The following UBE2V2 variants were observed in gnomAD, a reference collection of about 807,000 sequenced individuals.
UBE2V2 encodes ubiquitin-conjugating enzyme E2 variant 2.
Under a neutral mutation model 17.2 loss-of-function variants are expected in UBE2V2, and 9 were observed. That is an observed-to-expected ratio of 0.52 (90% CI 0.32 to 0.91). The LOEUF is 0.91. Ranked by LOEUF, UBE2V2 falls within the 40% of genes least tolerant of loss-of-function variation. UBE2V2 has a pLI of 0.04. For missense variants in UBE2V2, 133 were observed against 182.6 expected, an observed-to-expected ratio of 0.73 and a Z score of 1.56; for synonymous variants, 61 against 57.5, an observed-to-expected ratio of 1.06 and a Z score of -0.28.
At chr8:48,011,032 A>G (rs1168541881) in intron 1 of UBE2V2, among the ~76,000 whole-genome samples, 1 of 151,764 alleles carries the variant, frequency 6.6e-6, no homozygotes, top group Non-Finnish European at 1.5e-5. Context: ...TGCCCAGCCT[A>G]TTAATTAGTT....
chr8:48,040,219 G>T (rs1314588910), intron 1 of UBE2V2, among the ~76,000 whole-genome samples: 1 of 151,648 alleles, frequency 6.6e-6, no homozygotes, highest in East Asian at 1.9e-4. Context: ...TTTGTTTTTT[G>T]GGGGAACCAT....
rs1017778931 is a variant in UBE2V2 at position 48,061,810 on chromosome 8, T to G, written c.*982T>G. ...TTGATTTCACCAGAAATAATAATAT[T>G]AAAAAGATCTTTGCATTCTGGCAGT... On this transcript the variant is annotated 3_prime_UTR_variant, in exon 4 of 4. Transcript: ENST00000523111. The G allele has an allele frequency of 6.6e-6, 1 of 152,192 alleles. No individual in the cohort carries two copies. The highest frequency in any genetic ancestry group is 1.5e-5 in the Non-Finnish European group (1 of 68,028). 9.4% of individuals were successfully genotyped at this position (152,192 alleles called of 1,614,324 possible).
At chr8:48,035,048 A>G (rs1344123682) in intron 1 of UBE2V2, 2 of 983,324 alleles carry the variant, frequency 2.0e-6, no homozygotes, top group African/African-American at 1.8e-5. Context: ...AGAAGTTAGC[A>G]TTCCTCTTAC....
chr8:48,008,349 C>T (rs1227190253), upstream of UBE2V2: 1 of 1,391,488 alleles, frequency 7.2e-7, no homozygotes, highest in South Asian at 1.6e-5. Flanking sequence ...CCCGCGCCCG[C>T]CGGGGGCGGA....
At chr8:48,040,666 G>A (rs561865273) in intron 1 of UBE2V2, among the ~76,000 whole-genome samples, 1 of 151,844 alleles carries the variant, frequency 6.6e-6, no homozygotes, top group African/African-American at 2.4e-5. Context: ...AGACAGTCTC[G>A]CTCTGTCTCC....
chr8:48,049,309 G>A (rs2091519960), intron 2 of UBE2V2, among the ~76,000 whole-genome samples: 1 of 152,086 alleles, frequency 6.6e-6, no homozygotes, highest in African/African-American at 2.4e-5. Flanking sequence ...GTTATTGATT[G>A]CCATATTTAG....
intron 1 of UBE2V2, among the ~76,000 whole-genome samples, chr8:48,038,227 C>T (rs1238420037): frequency 6.6e-6 from 1 of 152,206 alleles, no homozygotes; most frequent in Non-Finnish European, 1.5e-5. Flanking sequence ...CAGAACATTT[C>T]TAGTACATTT....
chr8:48,005,006 T>C (rs1374399796), upstream of UBE2V2, among the ~76,000 whole-genome samples: 2 of 150,670 alleles, frequency 1.3e-5, no homozygotes, highest in Non-Finnish European at 2.9e-5. Flanking sequence ...TTTTTTTCTC[T>C]TAACTACTTT....
chr8:48,008,365 C>T (rs763183573), upstream of UBE2V2: 7 of 1,501,462 alleles, frequency 4.7e-6, no homozygotes, highest in East Asian at 2.9e-5. Flanking sequence ...GCGGAGTCCG[C>T]TGTGACGCGT....
At chr8:48,028,781 C>T (rs1324706391) in intron 1 of UBE2V2, among the ~76,000 whole-genome samples, 5 of 152,086 alleles carry the variant, frequency 3.3e-5, no homozygotes, top group Non-Finnish European at 7.4e-5. Context: ...CTACTGCACC[C>T]GACCCCTTTA....
At chr8:48,008,077 A>G (rs2091197138), upstream of UBE2V2, among the ~76,000 whole-genome samples, 2 of 151,670 alleles carry the variant, frequency 1.3e-5, no homozygotes, top group African/African-American at 4.8e-5. Flanking sequence ...GCGCGCCACC[A>G]CGTCCGGCTA....
intron 1 of UBE2V2, among the ~76,000 whole-genome samples, chr8:48,024,652 T>TAAAAA (rs2091327891): frequency 6.6e-6 from 1 of 152,104 alleles, no homozygotes; most frequent in Non-Finnish European, 1.5e-5. Flanking sequence ...GTATCCTACG[T>TAAAAA]ATGCCTTGGT....
At chr8:48,024,871 TC>T (rs1162952789) in intron 1 of UBE2V2, among the ~76,000 whole-genome samples, 1 of 152,074 alleles carries the variant, frequency 6.6e-6, no homozygotes, top group Non-Finnish European at 1.5e-5. Context: ...TTCACATAAA[TC>T]TTTTTTGTAA....
chr8:48,040,189 C>T (rs2154507638), intron 1 of UBE2V2, among the ~76,000 whole-genome samples: 1 of 152,112 alleles, frequency 6.6e-6, no homozygotes, highest in East Asian at 1.9e-4. Flanking sequence ...TCTCTCTTCC[C>T]CCCTCCCTTC....
chr8:48,053,422 A>ATTTT (rs1218371704), intron 3 of UBE2V2, among the ~76,000 whole-genome samples: 2 of 136,548 alleles, frequency 1.5e-5, no homozygotes, highest in African/African-American at 2.7e-5. Flanking sequence ...AGATCTTTTA[A>ATTTT]TTTTTTTTTT....
At chr8:48,051,703 C>G (rs754728855) in intron 3 of UBE2V2, among the ~76,000 whole-genome samples, 17 of 152,112 alleles carry the variant, frequency 1.1e-4, no homozygotes, top group Non-Finnish European at 2.4e-4. Context: ...ATCTTGGATT[C>G]ACAGCCAGCT....
upstream of UBE2V2, among the ~76,000 whole-genome samples, chr8:48,006,602 C>G (rs888204398): frequency 6.6e-6 from 1 of 152,110 alleles, no homozygotes; most frequent in Admixed American, 6.6e-5. Context: ...AAGATCAAGT[C>G]GGCTTCATCC....
At chr8:48,044,305 C>T (rs1021332509) in intron 2 of UBE2V2, among the ~76,000 whole-genome samples, 1 of 152,132 alleles carries the variant, frequency 6.6e-6, no homozygotes, top group Non-Finnish European at 1.5e-5. Flanking sequence ...TGCACCACCA[C>T]TGCTGGCTAA....
At chr8:48,007,495 G>T (rs1378610184), upstream of UBE2V2, among the ~76,000 whole-genome samples, 1 of 150,468 alleles carries the variant, frequency 6.6e-6, no homozygotes, top group East Asian at 1.9e-4. Context: ...AATCATGAGT[G>T]AACTCCCATT....
Sources: gnomAD v4.1 joint callset for allele counts (sites outside exome capture counted in the v4.1 genomes callset) on GRCh38, gnomAD v4.1.1 for gene constraint, MANE v1.5 for transcripts, NCBI Gene and HGNC (gene_info 2026-07-23, HGNC 2026-07-21) for gene names.